The following SLC25A13 variants were observed in gnomAD, a reference collection of about 807,000 sequenced individuals.
The protein encoded by SLC25A13 is solute carrier family 25 member 13, also known as electrogenic aspartate/glutamate antiporter SLC25A13, mitochondrial.
Under a neutral mutation model 85.5 loss-of-function variants are expected in SLC25A13, and 70 were observed. The observed-to-expected ratio is 0.82, with a 90% CI of 0.68 to 1.00. The LOEUF (loss-of-function observed/expected upper bound fraction) is 1.00, where lower values mean the gene tolerates loss of function less well. Ranked by LOEUF, SLC25A13 falls within the 50% of genes least tolerant of loss-of-function variation. The probability of loss-of-function intolerance (pLI) is 0.00; values close to 1 mark genes in which losing one functional copy is unlikely to be tolerated. For synonymous variants in SLC25A13, 259 were observed against 288.7 expected (o/e 0.90, Z 1.04); for missense variants, 765 against 819.8 (o/e 0.93, Z 0.82).
intron 3 of SLC25A13, among the ~76,000 whole-genome samples, chr7:96,266,119 C>T (rs183987022): frequency 2.6e-4 from 40 of 152,286 alleles, no homozygotes; most frequent in East Asian, 2.5e-3. Context: ...AGAAGTTTTA[C>T]GCACTATTGC....
intron 3 of SLC25A13, among the ~76,000 whole-genome samples, chr7:96,272,108 G>A (rs895639836): frequency 1.3e-5 from 2 of 152,034 alleles, no homozygotes; most frequent in Non-Finnish European, 2.9e-5. Context: ...GGCTGGTCTC[G>A]AACTCCTGAT....
At chr7:96,180,437 G>T (rs1794378418) in intron 11 of SLC25A13, among the ~76,000 whole-genome samples, 1 of 152,154 alleles carries the variant, frequency 6.6e-6, no homozygotes, top group South Asian at 2.1e-4. Context: ...CTGGGTTCAA[G>T]CGATTCTCCT....
intron 5 of SLC25A13, among the ~76,000 whole-genome samples, chr7:96,197,666 C>A (rs1014020322): frequency 1.3e-5 from 2 of 151,928 alleles, no homozygotes; most frequent in Non-Finnish European, 1.5e-5. Flanking sequence ...ACTGACAGCT[C>A]CTAGATCTCA....
intron 15 of SLC25A13, 45 bp from the exon 16 acceptor site, chr7:96,122,042 C>G (rs1002789230): frequency 6.2e-7 from 1 of 1,612,052 alleles, no homozygotes; most frequent in African/African-American, 1.3e-5. Context: ...CACATTCTCA[C>G]TATATAAAAA....
chr7:96,195,773 T>C (rs1303532252), intron 5 of SLC25A13, among the ~76,000 whole-genome samples: 1 of 152,172 alleles, frequency 6.6e-6, no homozygotes, highest in Non-Finnish European at 1.5e-5. Context: ...GCTCCTGAAA[T>C]CCTGCCACTT....
intron 2 of SLC25A13, among the ~76,000 whole-genome samples, chr7:96,288,386 C>A (rs1286667964): frequency 6.6e-6 from 1 of 152,156 alleles, no homozygotes; most frequent in Non-Finnish European, 1.5e-5. Flanking sequence ...ACTGAGGCAC[C>A]AGGGTCATCT....
chr7:96,140,159 C>T (rs1233933189), intron 14 of SLC25A13, among the ~76,000 whole-genome samples: 2 of 150,152 alleles, frequency 1.3e-5, no homozygotes, highest in Non-Finnish European at 3.0e-5. Context: ...GGGGTTTCAC[C>T]GTTTTAGCCG....
chr7:96,208,756 C>A, intron 5 of SLC25A13, 82 bp downstream of exon 5: 1 of 1,510,668 alleles, frequency 6.6e-7, no homozygotes, highest in South Asian at 1.1e-5. Flanking sequence ...CCGCCCACCT[C>A]GGCCTCCCAA....
At chr7:96,198,061 G>A (rs559925717) in intron 5 of SLC25A13, among the ~76,000 whole-genome samples, 1 of 152,332 alleles carries the variant, frequency 6.6e-6, no homozygotes, top group South Asian at 2.1e-4. Context: ...CACATGTCAA[G>A]AATTTAACCT....
At chr7:96,180,136 T>C (rs1423340393) in intron 11 of SLC25A13, among the ~76,000 whole-genome samples, 2 of 152,064 alleles carry the variant, frequency 1.3e-5, no homozygotes, top group Non-Finnish European at 2.9e-5. Context: ...TATTTACAAC[T>C]CTGCAAGCTT....
chr7:96,181,192 C>T (rs552762849), intron 11 of SLC25A13, among the ~76,000 whole-genome samples: 12 of 152,088 alleles, frequency 7.9e-5, no homozygotes, highest in Non-Finnish European at 1.5e-4. Context: ...TTTCCAGCAA[C>T]TAAAACTTAC....
intron 13 of SLC25A13, among the ~76,000 whole-genome samples, chr7:96,159,613 T>C (rs1432145377): frequency 6.6e-6 from 1 of 152,222 alleles, no homozygotes; most frequent in East Asian, 1.9e-4. Context: ...CATTTTGTTA[T>C]GGCAGCCTGA....
At chr7:96,296,294 G>A (rs1015038191) in intron 2 of SLC25A13, among the ~76,000 whole-genome samples, 2 of 151,928 alleles carry the variant, frequency 1.3e-5, no homozygotes, top group Non-Finnish European at 2.9e-5. Context: ...AAAGCTATAC[G>A]GGTCAATCCT....
At chr7:96,314,269 G>T (rs1054688149) in intron 1 of SLC25A13, among the ~76,000 whole-genome samples, 15 of 152,186 alleles carry the variant, frequency 9.9e-5, no homozygotes, top group African/African-American at 3.6e-4. Flanking sequence ...GAAAGAAAGG[G>T]TAGGACACAG....
At chr7:96,214,159 G>A (rs905232347) in intron 4 of SLC25A13, among the ~76,000 whole-genome samples, 1 of 152,108 alleles carries the variant, frequency 6.6e-6, no homozygotes, top group African/African-American at 2.4e-5. Flanking sequence ...TTACAAAGTG[G>A]CAGTTGTTTA....
chr7:96,122,897 T>C (rs900357969), intron 15 of SLC25A13, among the ~76,000 whole-genome samples: 3 of 152,182 alleles, frequency 2.0e-5, no homozygotes, highest in African/African-American at 7.2e-5. Context: ...CCAAACCAAA[T>C]TGGTCAAATG....
intron 4 of SLC25A13, among the ~76,000 whole-genome samples, chr7:96,211,130 T>A (rs539621524): frequency 1.1e-3 from 161 of 152,366 alleles, no homozygotes; most frequent in African/African-American, 3.8e-3. Context: ...AATTAGTGAA[T>A]GCATGTAAAA....
intron 14 of SLC25A13, 57 bp downstream of exon 14, chr7:96,146,499 C>T: frequency 6.3e-7 from 1 of 1,581,230 alleles, no homozygotes; most frequent in Non-Finnish European, 8.6e-7. Flanking sequence ...AGAATAGTTT[C>T]TGCATTAGGA....
chr7:96,189,437 T>C (rs1562828393), intron 8 of SLC25A13, 59 bp from the exon 9 acceptor site: 2 of 1,575,006 alleles, frequency 1.3e-6, no homozygotes, highest in Non-Finnish European at 8.7e-7. Context: ...ATTTACATTA[T>C]AAAATTTAAA....
Sources: allele counts gnomAD v4.1 joint callset (sites outside exome capture counted in the v4.1 genomes callset), GRCh38; gene constraint gnomAD v4.1.1; transcripts MANE v1.5; gene names NCBI Gene and HGNC (gene_info 2026-07-23, HGNC 2026-07-21).